CCSER1: variants seen among roughly 807,000 people sequenced by gnomAD.
CCSER1 encodes serine-rich coiled-coil domain-containing protein 1.
In CCSER1, 41 loss-of-function variants were observed where a neutral mutation model predicts 82.0. The ratio of observed to expected loss-of-function variants is 0.50; its 90% CI spans 0.39 to 0.65. The LOEUF (loss-of-function observed/expected upper bound fraction) is 0.65. Ranked by LOEUF, CCSER1 falls within the 30% of genes least tolerant of loss-of-function variation. The pLI is 0.00. For synonymous variants in CCSER1, 414 were observed against 383.9 expected (o/e 1.08, Z -0.92); for missense variants, 1,119 against 1,064.2 (o/e 1.05, Z -0.72).
At chr4:91,534,265 C>T (rs774195349) in intron 10 of CCSER1, among the ~76,000 whole-genome samples, 4 of 152,138 alleles carry the variant, frequency 2.6e-5, no homozygotes, top group Non-Finnish European at 4.4e-5. Context: ...ATGTGCATTT[C>T]TGTCTCTATC....
intron 4 of CCSER1, among the ~76,000 whole-genome samples, chr4:90,449,698 AGG>A (rs1231789223): frequency 6.6e-6 from 1 of 152,242 alleles, no homozygotes; most frequent in Non-Finnish European, 1.5e-5. Flanking sequence ...AACAGTTGTC[AGG>A]CTTGGCAACA....
chr4:91,443,172 A>T (rs1403976666), intron 10 of CCSER1, among the ~76,000 whole-genome samples: 1 of 152,114 alleles, frequency 6.6e-6, no homozygotes, highest in Non-Finnish European at 1.5e-5. Context: ...ACACATGCAC[A>T]CATATGTTTA....
At chr4:90,474,856 A>G (rs2153593039) in intron 5 of CCSER1, among the ~76,000 whole-genome samples, 1 of 152,304 alleles carries the variant, frequency 6.6e-6, no homozygotes, top group South Asian at 2.1e-4. Context: ...AACTTATAAT[A>G]CATTACTAAG....
At chr4:91,168,515 C>T (rs1279658666) in intron 10 of CCSER1, among the ~76,000 whole-genome samples, 6 of 147,390 alleles carry the variant, frequency 4.1e-5, no homozygotes, top group East Asian at 2.1e-4. Context: ...TCTGCCTGGC[C>T]GCCCCATCTG....
At chr4:91,094,243 A>AT (rs1439244671) in intron 10 of CCSER1, among the ~76,000 whole-genome samples, 2 of 152,128 alleles carry the variant, frequency 1.3e-5, no homozygotes, top group Non-Finnish European at 2.9e-5. Context: ...TGGTGGGGTA[A>AT]TTTTTAAACC....
intron 5 of CCSER1, among the ~76,000 whole-genome samples, chr4:90,609,702 T>C (rs1042862436): frequency 6.6e-6 from 1 of 152,134 alleles, no homozygotes; most frequent in Non-Finnish European, 1.5e-5. Flanking sequence ...CTAGCTATCA[T>C]AGAGATGTTT....
chr4:90,970,324 G>A (rs1302103775), intron 9 of CCSER1, among the ~76,000 whole-genome samples: 3 of 151,484 alleles, frequency 2.0e-5, no homozygotes, highest in African/African-American at 7.3e-5. Flanking sequence ...TAGACAAAAC[G>A]AACATCAAGT....
At chr4:90,612,162 CTATT>C (rs1785596856) in intron 5 of CCSER1, among the ~76,000 whole-genome samples, 1 of 151,910 alleles carries the variant, frequency 6.6e-6, no homozygotes, top group Admixed American at 6.6e-5. Flanking sequence ...AAAAAATAAA[CTATT>C]TAGTTCCACA....
chr4:90,882,513 A>G (rs1472941712), intron 8 of CCSER1, among the ~76,000 whole-genome samples: 2 of 152,054 alleles, frequency 1.3e-5, no homozygotes, highest in Non-Finnish European at 2.9e-5. Flanking sequence ...TGTCTATATC[A>G]TAAGGCTGCT....
At chr4:90,776,960 C>T (rs990708333) in intron 7 of CCSER1, among the ~76,000 whole-genome samples, 2 of 152,138 alleles carry the variant, frequency 1.3e-5, no homozygotes, top group Non-Finnish European at 1.5e-5. Flanking sequence ...ACATTATATT[C>T]GCAGTATCTG....
chr4:90,993,468 TTTTTCTATCTC>T (rs1476502450), intron 9 of CCSER1, among the ~76,000 whole-genome samples: 4 of 152,056 alleles, frequency 2.6e-5, no homozygotes, highest in Non-Finnish European at 5.9e-5. Context: ...CCTTATTTTT[TTTTTCTATCTC>T]TCTTCTAGAA....
chr4:90,471,423 G>A (rs1764379392), intron 5 of CCSER1, among the ~76,000 whole-genome samples: 1 of 151,918 alleles, frequency 6.6e-6, no homozygotes, highest in Admixed American at 6.6e-5. Flanking sequence ...GGGTGACAAA[G>A]CAAGACTGTC....
intron 7 of CCSER1, among the ~76,000 whole-genome samples, chr4:90,745,746 G>A (rs545443948): frequency 1.7e-4 from 24 of 144,604 alleles, no homozygotes; most frequent in African/African-American, 5.9e-4. Context: ...CTGGAGTGCG[G>A]TGGCGTGATC....
intron 9 of CCSER1, among the ~76,000 whole-genome samples, chr4:91,035,270 A>G (rs932845071): frequency 6.6e-6 from 1 of 152,108 alleles, no homozygotes; most frequent in Non-Finnish European, 1.5e-5. Context: ...GGATCCCCCA[A>G]AATATTATGG....
chr4:90,265,136 G>C (rs183814733), intron 1 of CCSER1, among the ~76,000 whole-genome samples: 66 of 151,912 alleles, frequency 4.3e-4, no homozygotes, highest in African/African-American at 1.2e-3. Context: ...AAGAGTGTAT[G>C]AACTACTTGC....
rs1758685521 is a variant in CCSER1, at chr4:91,494,011, G to T, written c.2218-104561G>T. On this transcript the variant is annotated intron_variant, in intron 10 of 10. Coordinates refer to ENST00000509176, the MANE Select transcript of CCSER1 (RefSeq NM_001145065.2). ...CATATGTCAAAACTTAATTGCCAATGCAATAGTATTGAGGTGGGGACTTTA... is the reference window on the plus strand; with the variant it reads ...CATATGTCAAAACTTAATTGCCAATTCAATAGTATTGAGGTGGGGACTTTA... Among the ~76,000 whole-genome samples, 4 of 151,816 alleles carry T rather than the reference G, an allele frequency of 2.6e-5. No individual in the cohort carries two copies. In the Admixed American group the frequency reaches 2.6e-4, roughly 10 times the overall value.
chr4:91,442,336 A>G (rs1201834019), intron 10 of CCSER1, among the ~76,000 whole-genome samples: 1 of 152,150 alleles, frequency 6.6e-6, no homozygotes, highest in Non-Finnish European at 1.5e-5. Context: ...CCACCATCTG[A>G]TCTTTGACAA....
At chr4:90,881,577 GC>G (rs1446873805) in intron 8 of CCSER1, among the ~76,000 whole-genome samples, 2 of 152,060 alleles carry the variant, frequency 1.3e-5, no homozygotes, top group African/African-American at 4.8e-5. Flanking sequence ...TTTGAGACCA[GC>G]CTGGGCAATG....
chr4:90,810,901 C>T (rs1268121334), intron 7 of CCSER1, among the ~76,000 whole-genome samples: 2 of 139,458 alleles, frequency 1.4e-5, no homozygotes, highest in Non-Finnish European at 3.0e-5. Context: ...GGCGCGATCT[C>T]GGCTCACTAC....
Sources: gnomAD v4.1 joint callset for allele counts (sites outside exome capture counted in the v4.1 genomes callset) on GRCh38, gnomAD v4.1.1 for gene constraint, MANE v1.5 for transcripts, NCBI Gene and HGNC (gene_info 2026-07-23, HGNC 2026-07-21) for gene names.